The following DDC variants were observed in gnomAD, a reference collection of about 807,000 sequenced individuals.
The protein encoded by DDC is aromatic-L-amino-acid decarboxylase.
In DDC, 43 loss-of-function variants were observed where a neutral mutation model predicts 60.0. The observed-to-expected ratio is 0.72, with a 90% CI of 0.56 to 0.92. DDC has a LOEUF of 0.92. DDC is among the 40% of genes least tolerant of loss of function. The pLI, the probability that DDC is intolerant of heterozygous loss-of-function variation, is 0.00. For missense variants in DDC, 573 were observed against 620.2 expected, an observed-to-expected ratio of 0.92 and a Z score of 0.81; for synonymous variants, 232 against 234.6, an observed-to-expected ratio of 0.99 and a Z score of 0.10.
At chr7:50,463,717 T>G (rs1432612704) in intron 13 of DDC, among the ~76,000 whole-genome samples, 1 of 152,198 alleles carries the variant, frequency 6.6e-6, no homozygotes, top group Non-Finnish European at 1.5e-5. Flanking sequence ...TAAGGATCCC[T>G]GGATATGTAA....
At chr7:50,515,931 T>C (rs1302385896) in intron 6 of DDC, among the ~76,000 whole-genome samples, 1 of 152,148 alleles carries the variant, frequency 6.6e-6, no homozygotes, top group African/African-American at 2.4e-5. Context: ...GATCAAACAA[T>C]TACTACTAGA....
At chr7:50,492,811 CG>C (rs2043029719) in intron 9 of DDC, 6 of 1,495,660 alleles carry the variant, frequency 4.0e-6, no homozygotes, top group Non-Finnish European at 5.3e-6. Context: ...CCCCGAGCGC[CG>C]GGGAAGAGTT....
chr7:50,464,319 C>T (rs1350483060), intron 13 of DDC, among the ~76,000 whole-genome samples: 1 of 152,010 alleles, frequency 6.6e-6, no homozygotes, highest in African/African-American at 2.4e-5. Flanking sequence ...GATGTTGGCA[C>T]CTGGCCATAG....
intron 4 of DDC, among the ~76,000 whole-genome samples, chr7:50,529,848 A>G (rs535624254): frequency 6.6e-6 from 1 of 152,192 alleles, no homozygotes; most frequent in African/African-American, 2.4e-5. Context: ...TGTGTCCCCA[A>G]AAATTCATGT....
intron 11 of DDC, 143 bp downstream of exon 11, chr7:50,476,480 CT>C (rs2042646507): frequency 2.6e-6 from 2 of 780,888 alleles, no homozygotes; most frequent in Admixed American, 4.0e-5. Context: ...CAGGACCCCC[CT>C]AATTTGTCAG....
intron 1 of DDC, among the ~76,000 whole-genome samples, chr7:50,554,465 C>T (rs112009525): frequency 2.9e-4 from 44 of 152,228 alleles, no homozygotes; most frequent in Admixed American, 3.9e-4. Context: ...CTTTTGAGGC[C>T]GGCTTCCTCA....
At chr7:50,523,825 C>A (rs1009236773) in intron 6 of DDC, among the ~76,000 whole-genome samples, 1 of 152,172 alleles carries the variant, frequency 6.6e-6, no homozygotes, top group African/African-American at 2.4e-5. Flanking sequence ...TTGGTATTTA[C>A]CCAAATGAGT....
intron 10 of DDC, 96 bp from the exon 11 acceptor site, chr7:50,476,739 T>A: frequency 8.3e-7 from 1 of 1,199,866 alleles, no homozygotes; most frequent in Admixed American, 1.8e-5. Context: ...ATTTCTTGTG[T>A]CTTCTAAGCC....
intron 6 of DDC, among the ~76,000 whole-genome samples, chr7:50,506,097 C>T (rs183501007): frequency 1.2e-4 from 18 of 152,184 alleles, no homozygotes; most frequent in African/African-American, 3.6e-4. Flanking sequence ...GGATTAGGAT[C>T]GGCTGGTTTG....
At chr7:50,528,074 T>C in intron 6 of DDC, 63 bp downstream of exon 6, 1 of 1,579,028 alleles carries the variant, frequency 6.3e-7, no homozygotes, top group Non-Finnish European at 8.6e-7. Flanking sequence ...TTTTTTTTTG[T>C]ATTTTTAGTA....
chr7:50,460,910 T>C (rs10281167), intron 14 of DDC, among the ~76,000 whole-genome samples: 11,429 of 151,484 alleles, frequency 0.075, 529 homozygotes, highest in Middle Eastern at 0.14. Context: ...ACACAAACAC[T>C]GCGGAAGGCC....
intron 9 of DDC, among the ~76,000 whole-genome samples, chr7:50,491,004 T>C (rs1050604740): frequency 1.3e-5 from 2 of 152,230 alleles, no homozygotes; most frequent in Admixed American, 6.5e-5. Flanking sequence ...TGTTTGTCTG[T>C]TTTTATTATT....
intron 6 of DDC, among the ~76,000 whole-genome samples, chr7:50,520,900 AAAATAAATAAATAAATAAATAAAT>A (rs58873202): frequency 2.0e-4 from 30 of 147,914 alleles, no homozygotes; most frequent in South Asian, 1.1e-3. Flanking sequence ...TCTGTCTCAG[AAAATAAATAAATAAATAAATAAAT>A]AAATAAATAA....
chr7:50,546,079 A>T (rs1367827778), intron 1 of DDC, among the ~76,000 whole-genome samples: 1 of 152,240 alleles, frequency 6.6e-6, no homozygotes, highest in African/African-American at 2.4e-5. Flanking sequence ...CAAATTTAAG[A>T]TAAATTTTCC....
chr7:50,531,425 C>A (rs1006262924), intron 4 of DDC, among the ~76,000 whole-genome samples: 5 of 152,118 alleles, frequency 3.3e-5, no homozygotes, highest in African/African-American at 1.2e-4. Context: ...TGTTCTGATG[C>A]TTGACAAGCA....
chr7:50,494,565 C>T (rs7809477), intron 9 of DDC, among the ~76,000 whole-genome samples: 97,479 of 150,340 alleles, frequency 0.65, 31,971 homozygotes, highest in Admixed American at 0.73. Context: ...CACTCCAACC[C>T]GGGCGACAGA....
chr7:50,523,262 A>G (rs987795133), intron 6 of DDC, among the ~76,000 whole-genome samples: 1 of 152,246 alleles, frequency 6.6e-6, no homozygotes, highest in Non-Finnish European at 1.5e-5. Flanking sequence ...CTTAGGATTG[A>G]TGATGAATTT....
At chr7:50,562,045 G>A (rs11575264) in intron 1 of DDC, among the ~76,000 whole-genome samples, 1,634 of 152,252 alleles carry the variant, frequency 0.011, 22 homozygotes, top group African/African-American at 0.036. Flanking sequence ...CAGGGCTTGT[G>A]GCACAGTCCA....
At position 50,492,601 on chromosome 7, in the gene DDC, C is replaced by T; in HGVS notation, c.944+2749G>A. 7 of 883,280 alleles carry T rather than the reference C, an allele frequency of 7.9e-6. No individual in the cohort carries two copies. In the South Asian group the frequency reaches 1.8e-4, roughly 23 times the overall value. 54.7% of individuals were successfully genotyped at this position (883,280 alleles called of 1,614,324 possible). ...TCCAGAGGATGGGAACTAACCCCAT[C>T]ACCCTTCTCTTGTGGCAGACTTCCA... On this transcript the variant is annotated intron_variant, in intron 9 of 14. Transcript: ENST00000444124.
Sources: allele counts gnomAD v4.1 joint callset (sites outside exome capture counted in the v4.1 genomes callset), GRCh38; gene constraint gnomAD v4.1.1; transcripts MANE v1.5; gene names NCBI Gene and HGNC (gene_info 2026-07-23, HGNC 2026-07-21).